CCDC71: variants seen among roughly 807,000 people sequenced by gnomAD.
The protein encoded by CCDC71 is coiled-coil domain-containing protein 71.
For synonymous variants in CCDC71, 257 were observed against 242.2 expected (o/e 1.06, Z -0.57); for missense variants, 594 against 604.0 (o/e 0.98, Z 0.17).
Position 49,162,688 on chromosome 3 carries a change from G to T in CCDC71, c.*117C>A. On this transcript the variant is annotated 3_prime_UTR_variant, in exon 2 of 2. Coordinates refer to ENST00000321895, the MANE Select transcript of CCDC71 (RefSeq NM_022903.4). ...TGAAAGGAGGCTGGTGGTCACCAGG[G>T]CCCTAGAGAGGCACCGGGAGTCCTC... 2 of 937,526 alleles carry T rather than the reference G, an allele frequency of 2.1e-6. No individual in the cohort carries two copies. The highest frequency in any genetic ancestry group is 3.8e-4 in the Middle Eastern group (1 of 2,644). 58.1% of individuals were successfully genotyped at this position (937,526 alleles called of 1,614,324 possible). A position where few individuals can be genotyped will look rare whatever the true frequency, so the allele number is the denominator to read the frequency against.
chr3:49,165,248 G>A lies in CCDC71; in HGVS notation c.-52-988C>T, dbSNP rs1217472926. Among the ~76,000 whole-genome samples the A allele has an allele frequency of 6.6e-5, 10 of 152,216 alleles. No homozygotes were observed. The South Asian group carries it at 1.7e-3, about 25-fold the overall frequency. ...AGCCAAAGGCTGCAAGTAGGATGGTGAGTCAAGGGGACATTAGCGGTATGC... is the reference window on the plus strand; with the variant it reads ...AGCCAAAGGCTGCAAGTAGGATGGTAAGTCAAGGGGACATTAGCGGTATGC... On this transcript the variant is annotated intron_variant, in intron 1 of 1. Coordinates refer to ENST00000321895, the MANE Select transcript of CCDC71 (RefSeq NM_022903.4).
rs777887432 is a variant in CCDC71 at position 49,163,485 on chromosome 3, T to A, written c.724A>T (p.Lys242Ter). 1 of 1,614,132 alleles carries A rather than the reference T, an allele frequency of 6.2e-7. No homozygotes were observed. Residue 242 changes from lysine to a stop codon, truncating the protein, a stop_gained, in exon 2 of 2, where the codon AAA (lysine) becomes TAA (stop). Coordinates refer to ENST00000321895, the MANE Select transcript of CCDC71 (RefSeq NM_022903.4). LOFTEE classifies it low-confidence loss of function (END_TRUNC). ...CGTCGGGGTCCAGCCCCAGGGCCTT[T>A]GCGAGTCAGACACTTGGGGCCCTTG... ...TSKGPKCLTR[K>*]GPGAGPRRGS...
At chr3:49,165,607 T>C (rs2045718560) in intron 1 of CCDC71, among the ~76,000 whole-genome samples, 4 of 152,282 alleles carry the variant, frequency 2.6e-5, no homozygotes, top group Admixed American at 6.5e-5. Flanking sequence ...GAAACATTCT[T>C]GGATCCTCAG....
chr3:49,166,286 C>T lies in CCDC71; in HGVS notation c.-72G>A, dbSNP rs2045724344. The T allele has an allele frequency of 6.6e-6, 1 of 152,196 alleles. No homozygotes were observed. Among genetic ancestry groups the T allele is most frequent in the Non-Finnish European group, 1.5e-5 (1 of 67,984 alleles). 9.4% of individuals were successfully genotyped at this position (152,196 alleles called of 1,614,324 possible). A position where few individuals can be genotyped will look rare whatever the true frequency, so the allele number is the denominator to read the frequency against. On this transcript the variant is annotated 5_prime_UTR_variant, in exon 1 of 2. The change creates a premature stop within an existing upstream ORF in the 5' untranslated region. Coordinates refer to ENST00000321895, the MANE Select transcript of CCDC71 (RefSeq NM_022903.4). The surrounding 1 kb of genome is among the most constrained non-coding windows in gnomAD (Gnocchi z 4.0). ...ACCTACCGGCGCCGCCGCGGGGACC[C>T]AAGACGCGCCTCTGCGCCGCCTCCG...
At position 49,164,103 on chromosome 3, in the gene CCDC71, G is replaced by C; in HGVS notation, c.106C>G (p.Pro36Ala). ...GTGGCACTGAGATCCTGGCTCATTGGGTTAAAGACAAGCAGTGCCTCTTCC... is the reference window on the plus strand; with the variant it reads ...GTGGCACTGAGATCCTGGCTCATTGCGTTAAAGACAAGCAGTGCCTCTTCC... ...ALEEALLVFN[P>A]MSQDLSATEA... The change falls in exon 2 of 2, where the codon CCA (proline) becomes GCA (alanine). Residue 36 changes from proline to alanine, a missense_variant. Transcript: ENST00000321895. 1 of 1,614,004 alleles carries C rather than the reference G, an allele frequency of 6.2e-7. No homozygotes were observed. Among genetic ancestry groups the C allele is most frequent in the Non-Finnish European group, 8.5e-7 (1 of 1,180,016 alleles).
Position 49,163,248 on chromosome 3 carries a change from TAGCCTTGACCTGTGC to T in CCDC71, c.946_960del (p.Ala316_Ala320del). The T allele has an allele frequency of 1.3e-6, 2 of 1,571,450 alleles. No individual in the cohort carries two copies. The highest frequency in any genetic ancestry group is 1.7e-6 in the Non-Finnish European group (2 of 1,148,314). On this transcript the variant is annotated inframe_deletion, in exon 2 of 2. Transcript: ENST00000321895. ...ACCTGTGCTGCCTTAGCTTTGGCCT[TAGCCTTGACCTGTGC>T]TGCCTTGGCCTTGGCCCGGGCCTTA...
intron 1 of CCDC71, among the ~76,000 whole-genome samples, chr3:49,165,770 G>A (rs1444431993): frequency 1.9e-4 from 29 of 152,248 alleles, no homozygotes; most frequent in Admixed American, 1.9e-3. Context: ...CCTCACACGC[G>A]CCCCAGCGCA....
Position 49,164,073 on chromosome 3 carries a change from C to T in CCDC71, c.136G>A (p.Ala46Thr). Residue 46 changes from alanine (A) to threonine (T), a missense_variant, in exon 2 of 2, where the codon GCC (alanine) becomes ACC (threonine). Ala to Thr is a moderately conservative substitution (Grantham distance 58, BLOSUM62 0). Transcript: ENST00000321895. Reference sequence around the variant, plus strand: ...CCCTGCAGGAAGGCCACAAGCTGGGCCTCTGTGGCACTGAGATCCTGGCTC... The same window carrying T: ...CCCTGCAGGAAGGCCACAAGCTGGGTCTCTGTGGCACTGAGATCCTGGCTC... ...PMSQDLSATE[A>T]QLVAFLQGLR... 1 of 1,614,092 alleles carries T rather than the reference C, an allele frequency of 6.2e-7. No individual in the cohort carries two copies. Among genetic ancestry groups the T allele is most frequent in the Non-Finnish European group, 8.5e-7 (1 of 1,180,022 alleles).
In CCDC71 at chr3:49,162,843, T is replaced by C; in HGVS notation, c.1366A>G (p.Ile456Val). The C allele has an allele frequency of 1.2e-6, 2 of 1,613,832 alleles. No individual in the cohort carries two copies. Among genetic ancestry groups the C allele is most frequent in the Non-Finnish European group, 1.7e-6 (2 of 1,179,988 alleles). Reference sequence around the variant, plus strand: ...TATGGCAGCAATGGCTGGAGCCGTATTACAGGTGACAGGTTCACGCGGAGG... The same window carrying C: ...TATGGCAGCAATGGCTGGAGCCGTACTACAGGTGACAGGTTCACGCGGAGG... The part of the protein sequence containing the change: ...RILRVNLSPV[I>V]RLQPLLPYSA... The change falls in exon 2 of 2, where the codon ATA becomes GTA. Residue 456 changes from isoleucine to valine, a missense_variant. By Grantham distance (29) the Ile-to-Val change is conservative. Coordinates refer to ENST00000321895, the MANE Select transcript of CCDC71 (RefSeq NM_022903.4).
In CCDC71 at chr3:49,163,765, T is replaced by A; in HGVS notation, c.444A>T (p.Gln148His). ...TTNLLLSSLK[Q>H]SSASHARGAA... ...CACCCCGGGCATGGCTGGCACTTGA[T>A]TGCTTCAGAGAGCTCAGCAGCAGGT... The change falls in exon 2 of 2, where the codon CAA becomes CAT. Residue 148 changes from glutamine (Q) to histidine (H), a missense_variant. By Grantham distance (24) the Gln-to-His change is conservative. Transcript: ENST00000321895. The A allele has an allele frequency of 6.2e-7, 1 of 1,614,096 alleles. No individual in the cohort carries two copies. The highest frequency in any genetic ancestry group is 8.5e-7 in the Non-Finnish European group (1 of 1,180,022).
chr3:49,163,418 G>A lies in CCDC71; in HGVS notation c.791C>T (p.Ser264Phe), dbSNP rs2107654312. 6.2e-7 allele frequency: 1 copy of A among 1,614,178 alleles called. No individual in the cohort carries two copies. The highest frequency in any genetic ancestry group is 1.1e-5 in the South Asian group (1 of 91,084). ...HQSKTNRATG[S>F]PSVRRMKGGS... ...CCCTTTCATTCGCCGGACACTGGGG[G>A]ACCCAGTGGCTCTGTTGGTTTTGCT... Residue 264 changes from serine to phenylalanine, a missense_variant, in exon 2 of 2, where the codon TCC (serine) becomes TTC (phenylalanine). Ser to Phe is a radical substitution (Grantham distance 155, BLOSUM62 -2). Transcript: ENST00000321895.
In CCDC71 at chr3:49,162,798, G is replaced by T; in HGVS notation, c.*7C>A. 3 of 1,610,780 alleles carry T rather than the reference G, an allele frequency of 1.9e-6. No individual in the cohort carries two copies. Among genetic ancestry groups the T allele is most frequent in the Non-Finnish European group, 2.5e-6 (3 of 1,177,682 alleles). ...TTAGTTTCCCCAAACATTGCCGTGTGAAGGAATCAGACTGCTGAATATGGC... is the reference window on the plus strand; with the variant it reads ...TTAGTTTCCCCAAACATTGCCGTGTTAAGGAATCAGACTGCTGAATATGGC... On this transcript the variant is annotated 3_prime_UTR_variant, in exon 2 of 2. Coordinates refer to ENST00000321895, the MANE Select transcript of CCDC71 (RefSeq NM_022903.4).
Position 49,163,177 on chromosome 3 carries a change from AGCCTTG to A in CCDC71, c.1026_1031del (p.Lys347_Ala348del), listed in dbSNP as rs758063899. 3.0e-4 allele frequency: 468 copies of A among 1,577,560 alleles called. No homozygotes were observed. Among genetic ancestry groups the A allele is most frequent in the Non-Finnish European group, 3.8e-4 (436 of 1,153,740 alleles). On this transcript the variant is annotated inframe_deletion, in exon 2 of 2. Coordinates refer to ENST00000321895, the MANE Select transcript of CCDC71 (RefSeq NM_022903.4). ...CCTTGGCCCGTACTGCCTTGGCTTT[AGCCTTG>A]GCCTTGGCCCATGCTGCCATGACTT...
chr3:49,163,154 T>C lies in CCDC71; in HGVS notation c.1055A>G (p.Lys352Arg), dbSNP rs542754093. ...AKAKAKAVRA[K>R]AKVARTQPRG... ...GGGCTGGGTCCGAGCCACCTTGGCCTTGGCCCGTACTGCCTTGGCTTTAGC... is the reference window on the plus strand; with the variant it reads ...GGGCTGGGTCCGAGCCACCTTGGCCCTGGCCCGTACTGCCTTGGCTTTAGC... Residue 352 changes from lysine (K) to arginine (R), a missense_variant, in exon 2 of 2, where the codon AAG (lysine) becomes AGG (arginine). Transcript: ENST00000321895. 7.4e-6 allele frequency: 12 copies of C among 1,613,094 alleles called. No individual in the cohort carries two copies. In the East Asian group the frequency reaches 2.5e-4, roughly 33 times the overall value.
Position 49,166,122 on chromosome 3 carries a change from G to A in CCDC71, c.-53+145C>T, listed in dbSNP as rs1043611226. On this transcript the variant is annotated intron_variant, in intron 1 of 1. Transcript: ENST00000321895. The surrounding 1 kb of genome is among the most constrained non-coding windows in gnomAD (Gnocchi z 4.0). ...CGCACAGCCCCAGGGTGGGGTCGCT[G>A]GGCGCGGGGTGGGGGTGGGGTGGGG... 3.0e-5 allele frequency: 4 copies of A among 131,718 alleles called. No individual in the cohort carries two copies. The highest frequency in any genetic ancestry group is 6.6e-5 in the Non-Finnish European group (4 of 60,224). 8.2% of individuals were successfully genotyped at this position (131,718 alleles called of 1,614,324 possible). A position where few individuals can be genotyped will look rare whatever the true frequency, so the allele number is the denominator to read the frequency against.
In CCDC71 at chr3:49,163,270, G is replaced by GGCCTTGGCCCGGGCCTTAGCA. The variant is rs764466069; in HGVS notation, c.918_938dup (p.Ala307_Ala313dup). Reference sequence around the variant, plus strand: ...CCTTAGCCTTGACCTGTGCTGCCTTGGCCTTGGCCCGGGCCTTAGCAGCCT... The same window carrying GGCCTTGGCCCGGGCCTTAGCA: ...CCTTAGCCTTGACCTGTGCTGCCTTGGCCTTGGCCCGGGCCTTAGCAGCCTTGGCCCGGGCCTTAGCAGCCT... On this transcript the variant is annotated inframe_insertion, in exon 2 of 2. Coordinates refer to ENST00000321895, the MANE Select transcript of CCDC71 (RefSeq NM_022903.4). 1.3e-6 allele frequency: 2 copies of GGCCTTGGCCCGGGCCTTAGCA among 1,589,524 alleles called. No homozygotes were observed. The highest frequency in any genetic ancestry group is 2.3e-5 in the East Asian group (1 of 44,376).
rs2045707117 is a variant in CCDC71 at position 49,163,726 on chromosome 3, G to A, written c.483C>T (p.Phe161=). 1 of 1,614,094 alleles carries A rather than the reference G, an allele frequency of 6.2e-7. No homozygotes were observed. Among genetic ancestry groups the A allele is most frequent in the Non-Finnish European group, 8.5e-7 (1 of 1,180,026 alleles). ...ASHARGAAVG[F]PTHLYPGVYP... is the part of the protein sequence containing the mutation. ...AGACACCTGGATAAAGGTGGGTGGG[G>A]AAGCCCACTGCTGCACCCCGGGCAT... Residue 161 remains phenylalanine (F), a synonymous_variant, in exon 2 of 2, where the codon TTC becomes TTT. Coordinates refer to ENST00000321895, the MANE Select transcript of CCDC71 (RefSeq NM_022903.4).
rs1252375690 is a variant in CCDC71 at position 49,166,132 on chromosome 3, T to TG, written c.-53+134dup. On this transcript the variant is annotated intron_variant, in intron 1 of 1. Transcript: ENST00000321895. The surrounding 1 kb of genome is among the most constrained non-coding windows in gnomAD (Gnocchi z 4.0). ...CAGGGTGGGGTCGCTGGGCGCGGGG[T>TG]GGGGGTGGGGTGGGGGGTCTCGGCC... The TG allele has an allele frequency of 1.2e-4, 1 of 8,388 alleles. No individual in the cohort carries two copies. The highest frequency in any genetic ancestry group is 2.3e-4 in the Non-Finnish European group (1 of 4,300). The allele number at this position is 8,388 out of a possible 1,614,324, so 0.5% of individuals were successfully genotyped here. A position where few individuals can be genotyped will look rare whatever the true frequency, so the allele number is the denominator to read the frequency against.
chr3:49,164,530 C>G (rs1034973066), intron 1 of CCDC71, among the ~76,000 whole-genome samples: 1 of 152,168 alleles, frequency 6.6e-6, no homozygotes, highest in Non-Finnish European at 1.5e-5. Context: ...AGATTTGAGC[C>G]TGGTACATTT....
Sources: allele counts gnomAD v4.1 joint callset (sites outside exome capture counted in the v4.1 genomes callset), GRCh38; gene constraint gnomAD v4.1.1; non-coding constraint Gnocchi (gnomAD v3.1); transcripts MANE v1.5; gene names NCBI Gene and HGNC (gene_info 2026-07-23, HGNC 2026-07-21).